STK3: variants seen among roughly 807,000 people sequenced by gnomAD.
STK3 encodes the protein serine/threonine-protein kinase 3.
Under a neutral mutation model 58.0 loss-of-function variants are expected in STK3, and 41 were observed. The observed-to-expected ratio is 0.71, with a 90% confidence interval of 0.55 to 0.92. STK3 has a LOEUF of 0.92. Among genes scored for constraint, STK3 ranks in the 40% least tolerant of loss-of-function variants. STK3 has a pLI of 0.00. For synonymous variants in STK3, 170 were observed against 191.0 expected (o/e 0.89, Z 0.91); for missense variants, 479 against 602.7 (o/e 0.79, Z 2.15).
chr8:98,651,247 T>G (rs1820901536), intron 6 of STK3, among the ~76,000 whole-genome samples: 1 of 152,182 alleles, frequency 6.6e-6, no homozygotes, highest in East Asian at 1.9e-4. Flanking sequence ...GGAGTGGACC[T>G]CTAGCAAACT....
chr8:98,870,599 A>G (rs1028207801), intron 3 of STK3, among the ~76,000 whole-genome samples: 3 of 152,216 alleles, frequency 2.0e-5, no homozygotes, highest in Non-Finnish European at 4.4e-5. Context: ...GCCAGTGATC[A>G]TGAGCATTTT....
At chr8:98,756,534 C>T (rs1433072338) in intron 3 of STK3, among the ~76,000 whole-genome samples, 7 of 152,130 alleles carry the variant, frequency 4.6e-5, no homozygotes, top group Admixed American at 3.3e-4. Context: ...TTTAAGCAGA[C>T]GAATAACATG....
intron 10 of STK3, among the ~76,000 whole-genome samples, chr8:98,474,201 C>T (rs1821136788): frequency 6.6e-6 from 1 of 152,092 alleles, no homozygotes; most frequent in African/African-American, 2.4e-5. Context: ...CAGTCAAAGC[C>T]CTCTTATCTT....
chr8:98,417,153 G>A (rs544438573), intron 3 of STK3, among the ~76,000 whole-genome samples: 1 of 152,308 alleles, frequency 6.6e-6, no homozygotes, highest in Admixed American at 6.5e-5. Flanking sequence ...AATGACTCAG[G>A]GAAACTTCCA....
the STK3 span, among the ~76,000 whole-genome samples, chr8:98,349,695 C>T: frequency 6.6e-6 from 1 of 152,232 alleles, no homozygotes; most frequent in Non-Finnish European, 1.5e-5. Flanking sequence ...AACCTCAATT[C>T]TTGACTTCTG....
At chr8:98,820,546 A>G (rs1834823826) in intron 1 of STK3, among the ~76,000 whole-genome samples, 1 of 152,210 alleles carries the variant, frequency 6.6e-6, no homozygotes, top group Non-Finnish European at 1.5e-5. Context: ...CCACCTGTCT[A>G]TCATAGAGAC....
At chr8:98,543,040 G>C (rs1219594325) in intron 9 of STK3, among the ~76,000 whole-genome samples, 1 of 152,214 alleles carries the variant, frequency 6.6e-6, no homozygotes, top group Non-Finnish European at 1.5e-5. Flanking sequence ...TGCTGTAAGA[G>C]TGAAAGCTTG....
intron 1 of STK3, chr8:98,921,656 C>G (rs1226816722): frequency 1.3e-5 from 2 of 152,154 alleles, no homozygotes; most frequent in Non-Finnish European, 2.9e-5. Flanking sequence ...GCTGGGTATC[C>G]ACAGCCATTT....
the STK3 span, among the ~76,000 whole-genome samples, chr8:98,365,330 C>T: frequency 6.6e-6 from 1 of 152,170 alleles, no homozygotes; most frequent in South Asian, 2.1e-4. Context: ...AAGACACTGT[C>T]TCAGAGACAA....
At chr8:98,535,427 A>G (rs1384092868) in intron 9 of STK3, among the ~76,000 whole-genome samples, 6 of 150,130 alleles carry the variant, frequency 4.0e-5, no homozygotes, top group African/African-American at 1.5e-4. Context: ...CTCTCTCCAC[A>G]CCAAGCCAGG....
chr8:98,344,957 T>C, the STK3 span, among the ~76,000 whole-genome samples: 5 of 148,796 alleles, frequency 3.4e-5, 1 homozygote, highest in African/African-American at 1.2e-4. Flanking sequence ...CTTGTGGTGC[T>C]AATCCCATCA....
intron 10 of STK3, among the ~76,000 whole-genome samples, chr8:98,515,690 A>G (rs1824877235): frequency 6.6e-6 from 1 of 151,796 alleles, no homozygotes; most frequent in Admixed American, 6.6e-5. Context: ...TCTACCACCT[A>G]CAAGCTATGA....
intron 3 of STK3, among the ~76,000 whole-genome samples, chr8:98,396,220 T>A (rs557330297): frequency 6.6e-6 from 1 of 152,238 alleles, no homozygotes; most frequent in African/African-American, 2.4e-5. Flanking sequence ...TTCAAAAACA[T>A]CCGCTGTTAA....
At position 98,460,216 on chromosome 8, in the gene STK3, A is replaced by G. The variant is rs558320186; in HGVS notation, c.1318-4216T>C. 8.7e-4 allele frequency among the ~76,000 whole-genome samples: 133 copies of G among 152,346 alleles called. 2 individuals are homozygous for G. Among genetic ancestry groups the G allele is most frequent in the Non-Finnish European group, 1.0e-3 (68 of 68,034 alleles). On this transcript the variant is annotated intron_variant, in intron 10 of 10. Transcript: ENST00000419617. Reference sequence around the variant, plus strand: ...GACCCGGATGTGAGACATGGAGTCAAAGGAGATCATTTTGGAACTTTAAAA... The same window carrying G: ...GACCCGGATGTGAGACATGGAGTCAGAGGAGATCATTTTGGAACTTTAAAA...
chr8:98,421,137 A>T (rs1170973898), intron 3 of STK3, among the ~76,000 whole-genome samples: 1 of 152,124 alleles, frequency 6.6e-6, no homozygotes, highest in African/African-American at 2.4e-5. Flanking sequence ...AATTGTTCTG[A>T]TCTGGGCATT....
At chr8:98,346,786 A>G in the STK3 span, among the ~76,000 whole-genome samples, 4 of 151,762 alleles carry the variant, frequency 2.6e-5, no homozygotes, top group African/African-American at 9.7e-5. Flanking sequence ...GCAGGCCTAC[A>G]CTGTAAGAAA....
chr8:98,893,510 A>G (rs1355281093), intron 1 of STK3, among the ~76,000 whole-genome samples: 1 of 142,662 alleles, frequency 7.0e-6, no homozygotes, highest in African/African-American at 2.5e-5. Flanking sequence ...GAAAGAAAGA[A>G]AGAAAGAAAG....
chr8:98,430,639 G>C (rs1301381637), intron 3 of STK3: 1 of 167,062 alleles, frequency 6.0e-6, no homozygotes, highest in Non-Finnish European at 1.5e-5. Flanking sequence ...ATGGAAGCAT[G>C]TACTCAAAAT....
intron 10 of STK3, among the ~76,000 whole-genome samples, chr8:98,509,859 A>G (rs774006739): frequency 2.0e-5 from 3 of 152,026 alleles, no homozygotes; most frequent in Non-Finnish European, 4.4e-5. Context: ...AAAATCTAAT[A>G]CTTTTCTAAA....
Sources: gnomAD v4.1 joint callset for allele counts (sites outside exome capture counted in the v4.1 genomes callset) on GRCh38, gnomAD v4.1.1 for gene constraint, MANE v1.5 for transcripts, NCBI Gene and HGNC (gene_info 2026-07-23, HGNC 2026-07-21) for gene names.